Variants in FHIT observed in about 807,000 individuals in gnomAD.
FHIT encodes fragile histidine triad diadenosine triphosphatase, also known as bis(5'-adenosyl)-triphosphatase.
Under a neutral mutation model 17.9 loss-of-function variants are expected in FHIT, and 19 were observed. The ratio of observed to expected loss-of-function variants is 1.06; its 90% confidence interval spans 0.74 to 1.56. FHIT has a LOEUF of 1.56. Ranked by LOEUF, FHIT falls within the 40% of genes most tolerant of loss-of-function variation. The probability of loss-of-function intolerance (pLI) is 0.00; values close to 1 mark genes in which losing one functional copy is unlikely to be tolerated. For synonymous variants in FHIT, 81 were observed against 69.7 expected, an observed-to-expected ratio of 1.16 and a Z score of -0.81; for missense variants, 248 against 189.2, an observed-to-expected ratio of 1.31 and a Z score of -1.82.
intron 8 of FHIT, among the ~76,000 whole-genome samples, chr3:59,871,752 G>A (rs1702934715): frequency 6.6e-6 from 1 of 152,134 alleles, no homozygotes; most frequent in African/African-American, 2.4e-5. Flanking sequence ...TCCAATCCAG[G>A]TAGCCTAATT....
chr3:60,229,220 C>A (rs750021255), intron 5 of FHIT, among the ~76,000 whole-genome samples: 1 of 152,044 alleles, frequency 6.6e-6, no homozygotes, highest in Non-Finnish European at 1.5e-5. Context: ...AGTTTGAGAC[C>A]AGCCTGGGCA....
At chr3:60,713,521 A>G (rs1229017296) in intron 4 of FHIT, among the ~76,000 whole-genome samples, 1 of 150,966 alleles carries the variant, frequency 6.6e-6, no homozygotes, top group Non-Finnish European at 1.5e-5. Context: ...CAAAATTGAT[A>G]GACCGCTAGC....
chr3:60,859,871 C>A (rs1553750913), intron 3 of FHIT, among the ~76,000 whole-genome samples: 1 of 148,688 alleles, frequency 6.7e-6, no homozygotes, highest in East Asian at 2.0e-4. Flanking sequence ...TGGTGAAACC[C>A]TGTCTCTACT....
intron 5 of FHIT, among the ~76,000 whole-genome samples, chr3:60,118,530 C>G (rs1705085881): frequency 3.3e-5 from 5 of 151,992 alleles, no homozygotes. Flanking sequence ...AGGCATAATA[C>G]TGTCAGGAGC....
chr3:61,188,547 A>G (rs1198290459), intron 2 of FHIT, among the ~76,000 whole-genome samples: 3 of 152,320 alleles, frequency 2.0e-5, no homozygotes, highest in East Asian at 3.9e-4. Context: ...ATTCCAATCA[A>G]TAGAAAAAGA....
intron 1 of FHIT, among the ~76,000 whole-genome samples, chr3:61,235,277 T>C (rs1270298084): frequency 6.6e-6 from 1 of 152,174 alleles, no homozygotes; most frequent in Non-Finnish European, 1.5e-5. Context: ...TGGGTGTCCT[T>C]GAGCCCTTGT....
chr3:60,212,589 G>A (rs748864516), intron 5 of FHIT, among the ~76,000 whole-genome samples: 1 of 152,050 alleles, frequency 6.6e-6, no homozygotes, highest in Non-Finnish European at 1.5e-5. Flanking sequence ...AAATATCTCT[G>A]AAGACAACTA....
intron 5 of FHIT, among the ~76,000 whole-genome samples, chr3:60,377,870 G>A (rs185955051): frequency 8.2e-4 from 125 of 152,216 alleles, no homozygotes; most frequent in Non-Finnish European, 1.6e-3. Context: ...GTTTAGGGAG[G>A]GGGCACAAAG....
At chr3:60,731,896 C>G (rs1408068140) in intron 4 of FHIT, among the ~76,000 whole-genome samples, 1 of 152,320 alleles carries the variant, frequency 6.6e-6, no homozygotes, top group South Asian at 2.1e-4. Context: ...TCATATCTGA[C>G]TAGCTGACTA....
At chr3:59,783,642 G>C (rs138520622) in intron 8 of FHIT, among the ~76,000 whole-genome samples, 1 of 152,254 alleles carries the variant, frequency 6.6e-6, no homozygotes, top group East Asian at 1.9e-4. Flanking sequence ...ATTCTTAGTT[G>C]AGAGAGGTGG....
chr3:59,861,688 C>T (rs965934694), intron 8 of FHIT, among the ~76,000 whole-genome samples: 2 of 152,182 alleles, frequency 1.3e-5, no homozygotes, highest in East Asian at 3.9e-4. Context: ...TCACATTCAT[C>T]ACCTTTTCCA....
chr3:60,850,062 C>T (rs1703089304), intron 3 of FHIT, among the ~76,000 whole-genome samples: 2 of 152,034 alleles, frequency 1.3e-5, no homozygotes. Context: ...TCAACACTTT[C>T]ATTCTTCCCC....
chr3:59,898,276 C>T (rs929114619), intron 8 of FHIT, among the ~76,000 whole-genome samples: 9 of 152,012 alleles, frequency 5.9e-5, no homozygotes, highest in African/African-American at 2.2e-4. Context: ...GGTCCCATTC[C>T]CAAGATATCT....
chr3:60,824,871 G>A (rs1242002656), intron 3 of FHIT, among the ~76,000 whole-genome samples: 7 of 152,208 alleles, frequency 4.6e-5, no homozygotes, highest in Non-Finnish European at 5.9e-5. Flanking sequence ...CCAGCTACAC[G>A]GAACTGTAAG....
intron 5 of FHIT, among the ~76,000 whole-genome samples, chr3:60,178,653 A>G (rs1701789442): frequency 6.6e-6 from 1 of 152,120 alleles, no homozygotes; most frequent in African/African-American, 2.4e-5. Flanking sequence ...ATCAACTCTA[A>G]GATTTAAATA....
chr3:60,604,229 T>G (rs1157987714), intron 4 of FHIT, among the ~76,000 whole-genome samples: 1 of 152,104 alleles, frequency 6.6e-6, no homozygotes, highest in Non-Finnish European at 1.5e-5. Context: ...GAGAAAAAAC[T>G]GGCAGAACCA....
intron 5 of FHIT, among the ~76,000 whole-genome samples, chr3:60,046,314 G>A (rs1701651141): frequency 6.6e-6 from 1 of 152,180 alleles, no homozygotes; most frequent in East Asian, 1.9e-4. Context: ...TAAACAGGTG[G>A]ATTTTGAACA....
intron 2 of FHIT, among the ~76,000 whole-genome samples, chr3:61,102,940 C>A (rs1576017990): frequency 6.6e-6 from 1 of 152,076 alleles, no homozygotes. Flanking sequence ...TGATTCTCCT[C>A]TCTTTTCTTC....
intron 5 of FHIT, among the ~76,000 whole-genome samples, chr3:60,251,353 T>A (rs755663888): frequency 6.6e-6 from 1 of 152,150 alleles, no homozygotes; most frequent in Non-Finnish European, 1.5e-5. Flanking sequence ...TGACACCTAT[T>A]ACTATCAACC....
Sources: allele counts gnomAD v4.1 joint callset (sites outside exome capture counted in the v4.1 genomes callset), GRCh38; gene constraint gnomAD v4.1.1; transcripts MANE v1.5; gene names NCBI Gene and HGNC (gene_info 2026-07-23, HGNC 2026-07-21).